Variants in JPH3 observed in about 807,000 individuals in gnomAD.
JPH3 encodes junctophilin 3, also known as junctophilin-3.
A neutral mutation model predicts 59.6 loss-of-function variants in JPH3; 11 were observed. The ratio of observed to expected loss-of-function variants is 0.18; its 90% CI spans 0.12 to 0.31. The LOEUF is 0.31. JPH3 is among the 10% of genes least tolerant of loss of function. JPH3 has a pLI of 1.00. For synonymous variants in JPH3, 673 were observed against 483.6 expected, an observed-to-expected ratio of 1.39 and a Z score of -5.14; for missense variants, 1,202 against 1,105.7, an observed-to-expected ratio of 1.09 and a Z score of -1.24.
chr16:87,659,302 A>G (rs779192914), intron 2 of JPH3, among the ~76,000 whole-genome samples: 1 of 146,808 alleles, frequency 6.8e-6, no homozygotes, highest in Non-Finnish European at 1.5e-5. Flanking sequence ...ACTTGAACCC[A>G]GGAGGCGGAG....
At chr16:87,680,980 G>A (rs188611633) in intron 2 of JPH3, among the ~76,000 whole-genome samples, 1 of 152,322 alleles carries the variant, frequency 6.6e-6, no homozygotes, top group East Asian at 1.9e-4. Flanking sequence ...TGTGTGTGGT[G>A]GGGGGCATTG....
chr16:87,643,362 G>C (rs368925161), intron 1 of JPH3, among the ~76,000 whole-genome samples: 2 of 151,528 alleles, frequency 1.3e-5, no homozygotes, highest in South Asian at 4.2e-4. Context: ...AGGTGCACAG[G>C]CAGCTGCTGC....
chr16:87,656,053 T>A (rs1200085557), intron 2 of JPH3, among the ~76,000 whole-genome samples: 1 of 152,240 alleles, frequency 6.6e-6, no homozygotes, highest in East Asian at 1.9e-4. Context: ...ATTGGCAAGC[T>A]GCACCCCTTG....
At chr16:87,645,873 C>T (rs1302939592) in intron 2 of JPH3, among the ~76,000 whole-genome samples, 1 of 152,190 alleles carries the variant, frequency 6.6e-6, no homozygotes, top group Non-Finnish European at 1.5e-5. Flanking sequence ...CCACGGGCCC[C>T]ACAGGTAGGC....
chr16:87,623,086 G>A (rs1337003368), intron 1 of JPH3, among the ~76,000 whole-genome samples: 2 of 152,200 alleles, frequency 1.3e-5, no homozygotes, highest in African/African-American at 4.8e-5. Context: ...TGAGGCAGCA[G>A]TGGGGGCCTC....
At position 87,677,223 on chromosome 16, in the gene JPH3, CACAAA is replaced by C. The variant is rs1262036471; in HGVS notation, c.1161-6917_1161-6913del. Among the ~76,000 whole-genome samples, 13 of 111,472 alleles carry C rather than the reference CACAAA, an allele frequency of 1.2e-4. No homozygotes were observed. The East Asian group carries it at 2.9e-3, about 25-fold the overall frequency. The allele number at this position is 111,472 out of a possible 152,430, so 73.1% of individuals were successfully genotyped here. ...ACACACACACACACACACACACACA[CACAAA>C]AAAAAAAATTAGCCGGGTGTGGTGG... On this transcript the variant is annotated intron_variant, in intron 2 of 4. Transcript: ENST00000284262.
intron 2 of JPH3, among the ~76,000 whole-genome samples, chr16:87,661,215 C>A (rs1237128739): frequency 6.6e-6 from 1 of 152,202 alleles, no homozygotes; most frequent in Non-Finnish European, 1.5e-5. Flanking sequence ...TCCTGCCTCC[C>A]TCTTACAAGG....
intron 2 of JPH3, among the ~76,000 whole-genome samples, chr16:87,663,605 C>G (rs1188129766): frequency 6.6e-6 from 1 of 152,178 alleles, no homozygotes; most frequent in African/African-American, 2.4e-5. Context: ...CCTGATGCAC[C>G]TGTGTTCACA....
chr16:87,665,975 G>T (rs2032848008), intron 2 of JPH3, among the ~76,000 whole-genome samples: 1 of 152,198 alleles, frequency 6.6e-6, no homozygotes. Context: ...TCCTCACCAG[G>T]TACTAAACCA....
Position 87,696,689 on chromosome 16 carries a change from A to C in JPH3, c.*29A>C, listed in dbSNP as rs2033873698. 1.3e-6 allele frequency: 2 copies of C among 1,570,482 alleles called. No homozygotes were observed. The highest frequency in any genetic ancestry group is 4.5e-5 in the East Asian group (2 of 44,676). On this transcript the variant is annotated 3_prime_UTR_variant, in exon 5 of 5. Coordinates refer to ENST00000284262, the MANE Select transcript of JPH3 (RefSeq NM_020655.4). ...GATGTCGCGGTAGCAAAAATAGAGA[A>C]AGGGTAGAAAAAAGGGACATTAAAA...
At position 87,644,971 on chromosome 16, in the gene JPH3, G is replaced by T. The variant is rs778836120; in HGVS notation, c.1096G>T (p.Ala366Ser). The change falls in exon 2 of 5, where the codon GCC becomes TCC. Residue 366 changes from alanine to serine, a missense_variant. Physicochemically the swap from Ala to Ser is moderately conservative, Grantham distance 99. Transcript: ENST00000284262. ...ASKIREKVDR[A>S]VEAAERAATI... is the part of the protein sequence containing the mutation. Reference sequence around the variant, plus strand: ...CAAGATCCGCGAGAAGGTGGACCGCGCCGTTGAGGCCGCTGAGCGGGCCGC... The same window carrying T: ...CAAGATCCGCGAGAAGGTGGACCGCTCCGTTGAGGCCGCTGAGCGGGCCGC... 6 of 1,610,138 alleles carry T rather than the reference G, an allele frequency of 3.7e-6. No individual in the cohort carries two copies. Among genetic ancestry groups the T allele is most frequent in the South Asian group, 3.3e-5 (3 of 91,050 alleles).
intron 4 of JPH3, among the ~76,000 whole-genome samples, chr16:87,693,061 G>A (rs1461501935): frequency 6.6e-6 from 1 of 152,246 alleles, no homozygotes; most frequent in Non-Finnish European, 1.5e-5. Flanking sequence ...CAACCAAGTT[G>A]TCATGGGGCC....
chr16:87,628,747 G>A (rs1011112094), intron 1 of JPH3, among the ~76,000 whole-genome samples: 8 of 152,158 alleles, frequency 5.3e-5, no homozygotes, highest in Admixed American at 2.0e-4. Flanking sequence ...TGGCCTTGGA[G>A]GCGTCAGCCT....
chr16:87,632,798 C>G (rs1196041540), intron 1 of JPH3, among the ~76,000 whole-genome samples: 1 of 151,892 alleles, frequency 6.6e-6, no homozygotes, highest in African/African-American at 2.4e-5. Flanking sequence ...GAGGCTGAAA[C>G]AGCAGAATTG....
rs988253343 is a variant in JPH3, at chr16:87,611,819, C to T, written c.382+8291C>T. Among the ~76,000 whole-genome samples the T allele has an allele frequency of 6.6e-6, 1 of 152,236 alleles. No individual in the cohort carries two copies. The highest frequency in any genetic ancestry group is 6.5e-5 in the Admixed American group (1 of 15,288). ...TGAGGCTGCTGATCTGGGGACCTCA[C>T]ATTAAGAACCACAGTCCTGGGCTTG... On this transcript the variant is annotated intron_variant, in intron 1 of 4. Transcript: ENST00000284262. This position sits in a 1 kb window ranked among gnomAD's most constrained non-coding sequence, Gnocchi z 4.5.
At chr16:87,694,569 C>G (rs986789563) in intron 4 of JPH3, 1 of 152,308 alleles carries the variant, frequency 6.6e-6, no homozygotes, top group East Asian at 1.9e-4. Flanking sequence ...GTGTCAAGAG[C>G]AGAGCCGGCC....
chr16:87,627,932 C>T (rs2031437510), intron 1 of JPH3, among the ~76,000 whole-genome samples: 1 of 152,340 alleles, frequency 6.6e-6, no homozygotes, highest in East Asian at 1.9e-4. Flanking sequence ...GTCTGCCAGG[C>T]CAGCCTGTGG....
chr16:87,607,560 T>C (rs374989867), intron 1 of JPH3, among the ~76,000 whole-genome samples: 5 of 152,276 alleles, frequency 3.3e-5, no homozygotes, highest in East Asian at 1.9e-4. Flanking sequence ...CCAAGGACTC[T>C]GAATCTCCAC....
Position 87,659,383 on chromosome 16 carries a change from AAAAG to A in JPH3, c.1160+14352_1160+14355del, listed in dbSNP as rs1268613814. Among the ~76,000 whole-genome samples, 66 of 120,434 alleles carry A rather than the reference AAAAG, an allele frequency of 5.5e-4. 4 individuals are homozygous for A. Among genetic ancestry groups the A allele is most frequent in the South Asian group, 1.6e-3 (6 of 3,768 alleles). The allele number at this position is 120,434 out of a possible 152,430, so 79.0% of individuals were successfully genotyped here. A position where few individuals can be genotyped will look rare whatever the true frequency, so the allele number is the denominator to read the frequency against. On this transcript the variant is annotated intron_variant, in intron 2 of 4. Transcript: ENST00000284262. ...CAGAGTAAGACTGTCTCAAAAAAAAAAAAGAAAAAAAAAAAGAAAACTACACACA... is the reference window on the plus strand; with the variant it reads ...CAGAGTAAGACTGTCTCAAAAAAAAAAAAAAAAAAAAGAAAACTACACACA...
Sources: allele counts gnomAD v4.1 joint callset (sites outside exome capture counted in the v4.1 genomes callset), GRCh38; gene constraint gnomAD v4.1.1; non-coding constraint Gnocchi (gnomAD v3.1); transcripts MANE v1.5; gene names NCBI Gene and HGNC (gene_info 2026-07-23, HGNC 2026-07-21).